The following SPAG16 variants were observed in gnomAD, a reference collection of about 807,000 sequenced individuals.
SPAG16 encodes the protein sperm associated antigen 16.
A neutral mutation model predicts 80.4 loss-of-function variants in SPAG16; 86 were observed. The observed-to-expected ratio is 1.07, with a 90% CI of 0.90 to 1.28. SPAG16 has a LOEUF of 1.28. Ranked by LOEUF, SPAG16 falls within the 50% of genes most tolerant of loss-of-function variation. The probability of loss-of-function intolerance (pLI) is 0.00; values close to 1 mark genes in which losing one functional copy is unlikely to be tolerated. For missense variants in SPAG16, 870 were observed against 765.3 expected (o/e 1.14, Z -1.61); for synonymous variants, 294 against 265.9 (o/e 1.11, Z -1.03).
At chr2:213,941,873 T>C (rs2089762) in intron 12 of SPAG16, among the ~76,000 whole-genome samples, 22,291 of 152,124 alleles carry the variant, frequency 0.15, 2,036 homozygotes, top group Non-Finnish European at 0.21. Context: ...GCCAACACCC[T>C]AGCCTCACAG....
At chr2:214,093,078 T>A (rs1383919687) in intron 13 of SPAG16, among the ~76,000 whole-genome samples, 1 of 152,142 alleles carries the variant, frequency 6.6e-6, no homozygotes, top group African/African-American at 2.4e-5. Flanking sequence ...TAAGATTTAA[T>A]AACTCAAACT....
chr2:213,704,615 TA>T lies in SPAG16; in HGVS notation c.1071-157860del, dbSNP rs58187547. On this transcript the variant is annotated intron_variant, in intron 10 of 15. Transcript: ENST00000331683. ...TTATTCATTTTCAAAGTTGAACAAA[TA>T]AAAAAAAAACCCTGAATAATTCAAA... is the stretch of plus-strand genomic sequence containing the variant. Among the ~76,000 whole-genome samples the T allele has an allele frequency of 5.7e-3, 834 of 147,244 alleles. 17 individuals are homozygous for T. Among genetic ancestry groups the T allele is most frequent in the Admixed American group, 0.043 (635 of 14,858 alleles).
intron 10 of SPAG16, among the ~76,000 whole-genome samples, chr2:213,813,832 C>T (rs1025253945): frequency 3.3e-5 from 5 of 152,056 alleles, no homozygotes; most frequent in African/African-American, 7.2e-5. Flanking sequence ...AAGAAGCACC[C>T]ACAACACACA....
At chr2:213,574,618 G>C (rs1238706029) in intron 10 of SPAG16, among the ~76,000 whole-genome samples, 1 of 148,380 alleles carries the variant, frequency 6.7e-6, no homozygotes, top group Non-Finnish European at 1.5e-5. Flanking sequence ...ACTCACTGTA[G>C]TTGTAACTCC....
chr2:213,492,519 C>T (rs1418956891), intron 10 of SPAG16, among the ~76,000 whole-genome samples: 1 of 151,814 alleles, frequency 6.6e-6, no homozygotes, highest in Non-Finnish European at 1.5e-5. Flanking sequence ...CACTGCCCTC[C>T]AGCCTAGGCG....
chr2:213,756,935 G>C (rs370228826), intron 10 of SPAG16, among the ~76,000 whole-genome samples: 17 of 152,258 alleles, frequency 1.1e-4, no homozygotes, highest in African/African-American at 4.1e-4. Flanking sequence ...TTATGGTGTT[G>C]TCTTTATAGA....
intron 14 of SPAG16, among the ~76,000 whole-genome samples, chr2:214,147,761 A>C (rs1212303706): frequency 6.6e-6 from 1 of 152,170 alleles, no homozygotes; most frequent in Non-Finnish European, 1.5e-5. Context: ...GATTGGGGAC[A>C]AGGCTGTTGT....
chr2:213,591,184 T>C (rs977052248), intron 10 of SPAG16, among the ~76,000 whole-genome samples: 2 of 152,234 alleles, frequency 1.3e-5, no homozygotes, highest in Non-Finnish European at 2.9e-5. Flanking sequence ...TTATGATCTG[T>C]CACTTAAGCT....
chr2:213,883,070 G>A (rs1000784881), intron 11 of SPAG16, among the ~76,000 whole-genome samples: 1 of 152,088 alleles, frequency 6.6e-6, no homozygotes, highest in African/African-American at 2.4e-5. Context: ...GTTTCACCGT[G>A]TTAGCCAGTT....
chr2:214,355,087 T>G (rs994431012), intron 15 of SPAG16, among the ~76,000 whole-genome samples: 1 of 151,780 alleles, frequency 6.6e-6, no homozygotes, highest in East Asian at 1.9e-4. Flanking sequence ...AACCTACGCA[T>G]TACCATTCAG....
At chr2:214,310,941 A>G (rs1298625947) in intron 15 of SPAG16, among the ~76,000 whole-genome samples, 1 of 152,172 alleles carries the variant, frequency 6.6e-6, no homozygotes, top group African/African-American at 2.4e-5. Context: ...CGTTCTATGT[A>G]CAAGCCTAAG....
intron 10 of SPAG16, among the ~76,000 whole-genome samples, chr2:213,689,289 T>G (rs547328576): frequency 6.6e-6 from 1 of 152,320 alleles, no homozygotes; most frequent in East Asian, 1.9e-4. Flanking sequence ...TTATCATCTG[T>G]GTCAGTTATG....
intron 10 of SPAG16, among the ~76,000 whole-genome samples, chr2:213,685,271 G>A (rs758467130): frequency 6.6e-6 from 1 of 152,226 alleles, no homozygotes; most frequent in South Asian, 2.1e-4. Context: ...AGGTCACTGG[G>A]GTAGACCCCA....
chr2:213,340,950 C>A (rs2064655198), intron 6 of SPAG16, among the ~76,000 whole-genome samples: 1 of 152,110 alleles, frequency 6.6e-6, no homozygotes, highest in Admixed American at 6.6e-5. Context: ...TCTGTACTGT[C>A]CAATACAATA....
At chr2:213,631,798 G>T (rs1019333330) in intron 10 of SPAG16, among the ~76,000 whole-genome samples, 1 of 152,112 alleles carries the variant, frequency 6.6e-6, no homozygotes, top group Non-Finnish European at 1.5e-5. Flanking sequence ...CACTATAGGT[G>T]TGTAGATTTG....
intron 10 of SPAG16, among the ~76,000 whole-genome samples, chr2:213,648,788 T>G (rs1373257071): frequency 6.6e-6 from 1 of 152,158 alleles, no homozygotes; most frequent in African/African-American, 2.4e-5. Context: ...TTTTAAAAAT[T>G]CCAGGAAAGT....
At chr2:213,840,856 G>T (rs1390185163) in intron 10 of SPAG16, among the ~76,000 whole-genome samples, 1 of 152,128 alleles carries the variant, frequency 6.6e-6, no homozygotes. Flanking sequence ...GAACTGGGGA[G>T]TAATGCAGTT....
intron 10 of SPAG16, among the ~76,000 whole-genome samples, chr2:213,760,804 G>C (rs1267666719): frequency 6.6e-6 from 1 of 152,228 alleles, no homozygotes; most frequent in Non-Finnish European, 1.5e-5. Flanking sequence ...TTTGGAGGAT[G>C]AGGAATCCAG....
chr2:214,292,920 C>CA (rs1693900228), intron 15 of SPAG16, among the ~76,000 whole-genome samples: 1 of 152,154 alleles, frequency 6.6e-6, no homozygotes. Context: ...TGTAAAGTGT[C>CA]AGTGGTATCT....
Sources: allele counts gnomAD v4.1 joint callset (sites outside exome capture counted in the v4.1 genomes callset), GRCh38; gene constraint gnomAD v4.1.1; transcripts MANE v1.5; gene names NCBI Gene and HGNC (gene_info 2026-07-23, HGNC 2026-07-21).